RFX7: variants seen among roughly 807,000 people sequenced by gnomAD.
RFX7 encodes DNA-binding protein RFX7.
RFX7 carries 26 observed loss-of-function variants against 111.8 expected under a neutral mutation model. The observed-to-expected ratio is 0.23, with a 90% CI of 0.17 to 0.32. RFX7 has a LOEUF of 0.32. Ranked by LOEUF, RFX7 falls within the 10% of genes least tolerant of loss-of-function variation. The pLI, the probability that RFX7 is intolerant of heterozygous loss-of-function variation, is 1.00. For missense variants in RFX7, 1,573 were observed against 1,772.9 expected (o/e 0.89, Z 2.02); for synonymous variants, 624 against 624.4 (o/e 1.00, Z 0.01).
intron 8 of RFX7, 108 bp downstream of exon 8, chr15:56,101,251 G>C: frequency 3.4e-6 from 3 of 873,784 alleles, no homozygotes; most frequent in Admixed American, 4.3e-5. Flanking sequence ...GTGAACACAT[G>C]CAAGTACTAA....
chr15:56,137,542 C>T (rs1267114180), intron 5 of RFX7, among the ~76,000 whole-genome samples: 1 of 151,954 alleles, frequency 6.6e-6, no homozygotes, highest in Non-Finnish European at 1.5e-5. Context: ...TCTATCAATC[C>T]TGTTGATCCT....
chr15:56,122,393 C>G (rs542709709), intron 5 of RFX7, among the ~76,000 whole-genome samples: 1 of 152,226 alleles, frequency 6.6e-6, no homozygotes, highest in Non-Finnish European at 1.5e-5. Flanking sequence ...GTCTCTCCCT[C>G]TCTCTAGGCT....
chr15:56,220,695 C>T (rs2043417851), intron 2 of RFX7, among the ~76,000 whole-genome samples: 1 of 152,088 alleles, frequency 6.6e-6, no homozygotes, highest in Admixed American at 6.6e-5. Flanking sequence ...TAATTAAGTC[C>T]CATTTGTCAG....
rs559032047 is a variant in RFX7, at chr15:56,089,902, C to G, written c.*3443G>C. The G allele has an allele frequency of 6.6e-6, 1 of 152,188 alleles. No individual in the cohort carries two copies. The highest frequency in any genetic ancestry group is 2.4e-5 in the African/African-American group (1 of 41,536). 9.4% of individuals were successfully genotyped at this position (152,188 alleles called of 1,614,324 possible). On this transcript the variant is annotated 3_prime_UTR_variant, in exon 10 of 10. Coordinates refer to ENST00000559447, the MANE Select transcript of RFX7 (RefSeq NM_022841.7). Reference sequence around the variant, plus strand: ...GGAACTATCACAGATCTACAAAGATCTATGTAAACAGAGGAGTAGGCTGTT... The same window carrying G: ...GGAACTATCACAGATCTACAAAGATGTATGTAAACAGAGGAGTAGGCTGTT...
intron 5 of RFX7, among the ~76,000 whole-genome samples, chr15:56,107,778 A>G (rs1272028587): frequency 1.3e-5 from 2 of 152,234 alleles, no homozygotes; most frequent in Non-Finnish European, 2.9e-5. Context: ...AGAAGAATCA[A>G]ATAGCAATAA....
intron 1 of RFX7, 45 bp downstream of exon 1, chr15:56,243,400 A>AGAGGAG (rs1296494989): frequency 6.6e-6 from 6 of 915,420 alleles, no homozygotes; most frequent in South Asian, 1.9e-5. Flanking sequence ...GGGGAGGGGA[A>AGAGGAG]GAGGAGGAGG....
At chr15:56,133,964 C>T (rs926438287) in intron 5 of RFX7, among the ~76,000 whole-genome samples, 1 of 152,118 alleles carries the variant, frequency 6.6e-6, no homozygotes, top group Non-Finnish European at 1.5e-5. Flanking sequence ...TGCACGTATA[C>T]TAACCATATG....
intron 5 of RFX7, among the ~76,000 whole-genome samples, chr15:56,125,606 TGTGA>T (rs1262131933): frequency 5.7e-5 from 5 of 87,382 alleles, no homozygotes; most frequent in Non-Finnish European, 9.3e-5. Flanking sequence ...CTTCTGTGTG[TGTGA>T]GTGTGTGTGT....
At chr15:56,164,223 A>C (rs1005760093) in intron 3 of RFX7, among the ~76,000 whole-genome samples, 10 of 152,174 alleles carry the variant, frequency 6.6e-5, no homozygotes, top group Non-Finnish European at 1.3e-4. Flanking sequence ...TTAGAACATC[A>C]GTGTGGGCCA....
intron 3 of RFX7, among the ~76,000 whole-genome samples, chr15:56,158,887 C>G (rs893373810): frequency 6.6e-6 from 1 of 152,146 alleles, no homozygotes; most frequent in Admixed American, 6.6e-5. Context: ...ATATACAACA[C>G]ATTATTGTTA....
intron 2 of RFX7, among the ~76,000 whole-genome samples, chr15:56,231,770 C>T (rs1341852955): frequency 2.6e-5 from 4 of 152,170 alleles, no homozygotes; most frequent in African/African-American, 9.7e-5. Flanking sequence ...AAATCCCTTC[C>T]ACCTATGAGC....
intron 2 of RFX7, among the ~76,000 whole-genome samples, chr15:56,187,531 G>A (rs1229134876): frequency 6.6e-6 from 1 of 150,952 alleles, no homozygotes; most frequent in Non-Finnish European, 1.5e-5. Context: ...AGCCCATGTG[G>A]CAATGGTCAC....
chr15:56,128,462 T>C (rs150057690), intron 5 of RFX7, among the ~76,000 whole-genome samples: 2,433 of 152,252 alleles, frequency 0.016, 30 homozygotes, highest in Non-Finnish European at 0.025. Context: ...CTATATTCAG[T>C]TCATCTAAAA....
At chr15:56,242,116 A>G (rs1334787342) in intron 2 of RFX7, among the ~76,000 whole-genome samples, 2 of 152,250 alleles carry the variant, frequency 1.3e-5, no homozygotes, top group Admixed American at 1.3e-4. Flanking sequence ...GGCCCTGCAA[A>G]GATTTCATTT....
intron 5 of RFX7, among the ~76,000 whole-genome samples, chr15:56,137,432 G>C (rs2141009103): frequency 6.6e-6 from 1 of 152,286 alleles, no homozygotes; most frequent in South Asian, 2.1e-4. Flanking sequence ...TCTGATGTTA[G>C]TTTGCATTTC....
intron 5 of RFX7, among the ~76,000 whole-genome samples, chr15:56,122,624 T>G (rs1595942610): frequency 6.6e-6 from 1 of 152,300 alleles, no homozygotes; most frequent in East Asian, 1.9e-4. Context: ...TTCAGGGTTG[T>G]GAGTTGCCCC....
intron 5 of RFX7, among the ~76,000 whole-genome samples, chr15:56,121,304 G>T (rs1423286007): frequency 6.6e-6 from 1 of 152,170 alleles, no homozygotes; most frequent in Non-Finnish European, 1.5e-5. Flanking sequence ...GATATGTCAT[G>T]TCACTCTCTC....
chr15:56,127,641 A>G (rs1184377893), intron 5 of RFX7, among the ~76,000 whole-genome samples: 2 of 149,586 alleles, frequency 1.3e-5, no homozygotes, highest in Non-Finnish European at 3.0e-5. Context: ...TCCACCTCCC[A>G]GGTTCATGCC....
At chr15:56,229,377 T>C (rs1394056470) in intron 2 of RFX7, among the ~76,000 whole-genome samples, 5 of 152,108 alleles carry the variant, frequency 3.3e-5, no homozygotes, top group Non-Finnish European at 5.9e-5. Context: ...GCCATTCTCC[T>C]ACCTCAGCCT....
Sources: allele counts gnomAD v4.1 joint callset (sites outside exome capture counted in the v4.1 genomes callset), GRCh38; gene constraint gnomAD v4.1.1; transcripts MANE v1.5; gene names NCBI Gene and HGNC (gene_info 2026-07-23, HGNC 2026-07-21).